Variants in TNIK observed in about 807,000 individuals in gnomAD.
The protein encoded by TNIK is TRAF2 and NCK-interacting protein kinase.
TNIK carries 49 observed loss-of-function variants against 191.3 expected under a neutral mutation model. The ratio of observed to expected loss-of-function variants is 0.26; its 90% CI spans 0.20 to 0.32. TNIK has a LOEUF of 0.32. Among genes scored for constraint, TNIK ranks in the 10% least tolerant of loss-of-function variants. TNIK has a pLI of 1.00. For synonymous variants in TNIK, 594 were observed against 600.9 expected, an observed-to-expected ratio of 0.99 and a Z score of 0.17; for missense variants, 1,155 against 1,702.3, an observed-to-expected ratio of 0.68 and a Z score of 5.66.
chr3:171,424,212 G>T (rs1194024222), intron 1 of TNIK, among the ~76,000 whole-genome samples: 1 of 152,182 alleles, frequency 6.6e-6, no homozygotes, highest in Non-Finnish European at 1.5e-5. Context: ...CATTTATGCA[G>T]CCAAAAGACA....
intron 1 of TNIK, among the ~76,000 whole-genome samples, chr3:171,382,811 T>C (rs540717218): frequency 6.6e-6 from 1 of 152,296 alleles, no homozygotes; most frequent in Admixed American, 6.5e-5. Context: ...AAACTTTAGT[T>C]ATATAAAGCC....
intron 4 of TNIK, among the ~76,000 whole-genome samples, chr3:171,210,236 G>C (rs564124864): frequency 3.3e-5 from 5 of 152,316 alleles, no homozygotes; most frequent in Admixed American, 2.6e-4. Flanking sequence ...TCAACACATA[G>C]GAGGCCATTG....
chr3:171,059,018 T>C lies in TNIK; in HGVS notation c.*4863A>G, dbSNP rs892121463. ...GGAAAGGGGTAGCTGGGCATGATAT[T>C]TACAGTGTACAAATAATGATCCATT... On this transcript the variant is annotated 3_prime_UTR_variant, in exon 33 of 33. Coordinates refer to ENST00000436636, the MANE Select transcript of TNIK (RefSeq NM_015028.4). Among the ~76,000 whole-genome samples the C allele has an allele frequency of 1.3e-5, 2 of 152,288 alleles. No homozygotes were observed. Among genetic ancestry groups the C allele is most frequent in the Admixed American group, 6.5e-5 (1 of 15,286 alleles).
In TNIK at chr3:171,413,453, A is replaced by G. The variant is rs140778933; in HGVS notation, c.58-43768T>C. ...CCTCTCTGCCTGCTTGTCCCTGAAC[A>G]TAAACATCTTGCTCATTCCCACCTC... On this transcript the variant is annotated intron_variant, in intron 1 of 32. Transcript: ENST00000436636. Among the ~76,000 whole-genome samples the G allele has an allele frequency of 2.6e-5, 4 of 152,268 alleles. No individual in the cohort carries two copies. In the East Asian group the frequency reaches 7.7e-4, roughly 29 times the overall value.
At chr3:171,388,876 C>T (rs1031751213) in intron 1 of TNIK, among the ~76,000 whole-genome samples, 35 of 152,116 alleles carry the variant, frequency 2.3e-4, no homozygotes, top group African/African-American at 8.2e-4. Context: ...CTGCAAGCTA[C>T]TTGAAGTACA....
chr3:171,218,942 T>A (rs1741838399), intron 3 of TNIK, among the ~76,000 whole-genome samples: 1 of 132,302 alleles, frequency 7.6e-6, no homozygotes, highest in Non-Finnish European at 1.5e-5. Flanking sequence ...TTATATATAT[T>A]TAATATATAA....
rs1362677081 is a variant in TNIK at position 171,063,769 on chromosome 3, T to C, written c.*112A>G. On this transcript the variant is annotated 3_prime_UTR_variant, in exon 33 of 33. Transcript: ENST00000436636. ...GAGGGAGAGGAAAAAGGGAAAGCGA[T>C]ATGTTCAACCAAGCCTTCTGATTCT... is the stretch of plus-strand genomic sequence containing the variant. The C allele has an allele frequency of 9.7e-7, 1 of 1,030,170 alleles. No homozygotes were observed. Among genetic ancestry groups the C allele is most frequent in the Non-Finnish European group, 1.4e-6 (1 of 702,614 alleles). The allele number at this position is 1,030,170 out of a possible 1,614,324, so 63.8% of individuals were successfully genotyped here.
At chr3:171,390,896 T>C (rs535733520) in intron 1 of TNIK, among the ~76,000 whole-genome samples, 39 of 152,218 alleles carry the variant, frequency 2.6e-4, no homozygotes, top group Non-Finnish European at 5.3e-4. Context: ...ATGTGTGATT[T>C]ATAGGAAAGG....
At chr3:171,273,281 G>C (rs1749347697) in intron 2 of TNIK, among the ~76,000 whole-genome samples, 1 of 152,174 alleles carries the variant, frequency 6.6e-6, no homozygotes, top group South Asian at 2.1e-4. Context: ...TCAATCTGTG[G>C]GTACCAGCCA....
At chr3:171,251,811 T>G (rs1746256327) in intron 2 of TNIK, among the ~76,000 whole-genome samples, 1 of 152,236 alleles carries the variant, frequency 6.6e-6, no homozygotes, top group African/African-American at 2.4e-5. Flanking sequence ...ATGGCTCATC[T>G]TTGTTAAAAA....
intron 22 of TNIK, among the ~76,000 whole-genome samples, chr3:171,100,155 G>A (rs903120186): frequency 5.9e-5 from 9 of 152,166 alleles, no homozygotes; most frequent in Non-Finnish European, 1.0e-4. Flanking sequence ...GAAGAATTAA[G>A]CAATTCTGAG....
chr3:171,400,702 G>GA lies in TNIK; in HGVS notation c.58-31018dup, dbSNP rs571579071. Reference sequence around the variant, plus strand: ...GTTCCATATTATTCTTAATGTTGCTGAAAAATATTTTTTGGAAACACTTAA... The same window carrying GA: ...GTTCCATATTATTCTTAATGTTGCTGAAAAAATATTTTTTGGAAACACTTAA... On this transcript the variant is annotated intron_variant, in intron 1 of 32. Coordinates refer to ENST00000436636, the MANE Select transcript of TNIK (RefSeq NM_015028.4). 2.6e-3 allele frequency among the ~76,000 whole-genome samples: 399 copies of GA among 152,168 alleles called. 1 individual carries two copies. The highest frequency in any genetic ancestry group is 9.2e-3 in the African/African-American group (383 of 41,508).
At chr3:171,081,214 T>C (rs2108362455) in intron 27 of TNIK, among the ~76,000 whole-genome samples, 1 of 152,144 alleles carries the variant, frequency 6.6e-6, no homozygotes, top group South Asian at 2.1e-4. Flanking sequence ...GTTAACCTTA[T>C]TTGGGGAGAA....
At chr3:171,426,299 G>C (rs183484147) in intron 1 of TNIK, among the ~76,000 whole-genome samples, 1 of 150,600 alleles carries the variant, frequency 6.6e-6, no homozygotes, top group Non-Finnish European at 1.5e-5. Context: ...GCAAACTATC[G>C]CAAGGACAAA....
intron 2 of TNIK, among the ~76,000 whole-genome samples, chr3:171,362,236 T>G (rs974130949): frequency 2.0e-5 from 3 of 152,220 alleles, no homozygotes; most frequent in African/African-American, 4.8e-5. Flanking sequence ...TTTTAAGCAC[T>G]AAAGACCAAA....
At chr3:171,327,900 T>TAAAAAAAAAA (rs71634497) in intron 2 of TNIK, among the ~76,000 whole-genome samples, 1,586 of 79,498 alleles carry the variant, frequency 0.02, 145 homozygotes, top group Non-Finnish European at 0.029. Flanking sequence ...ACCTGGCTCA[T>TAAAAAAAAAA]AAAAAAAAAA....
intron 15 of TNIK, among the ~76,000 whole-genome samples, chr3:171,134,058 G>A (rs1280777056): frequency 6.6e-6 from 1 of 152,028 alleles, no homozygotes; most frequent in Non-Finnish European, 1.5e-5. Flanking sequence ...GAAAAGGAAG[G>A]GGAGCCCACA....
intron 2 of TNIK, 123 bp downstream of exon 2, chr3:171,369,497 C>T: frequency 1.7e-6 from 1 of 604,348 alleles, no homozygotes; most frequent in East Asian, 2.9e-5. Context: ...AGTCAATCAA[C>T]AAGTATATTA....
rs150948425 is a variant in TNIK at position 171,097,962 on chromosome 3, G to GAT, written c.2591+3485_2591+3486dup. ...AAGATTATATCCATGAATCTATACT[G>GAT]ATATAAATGATGGAATAAATTAATA... On this transcript the variant is annotated intron_variant, in intron 22 of 32. Coordinates refer to ENST00000436636, the MANE Select transcript of TNIK (RefSeq NM_015028.4). Among the ~76,000 whole-genome samples, 958 of 152,232 alleles carry GAT rather than the reference G, an allele frequency of 6.3e-3. 6 individuals carry two copies. Among genetic ancestry groups the GAT allele is most frequent in the African/African-American group, 0.022 (907 of 41,536 alleles).
Sources: allele counts gnomAD v4.1 joint callset (sites outside exome capture counted in the v4.1 genomes callset), GRCh38; gene constraint gnomAD v4.1.1; transcripts MANE v1.5; gene names NCBI Gene and HGNC (gene_info 2026-07-23, HGNC 2026-07-21).